RXFP1: variants seen among roughly 807,000 people sequenced by gnomAD.
RXFP1 encodes relaxin family peptide receptor 1, also known as relaxin receptor 1.
A neutral mutation model predicts 89.8 loss-of-function variants in RXFP1; 73 were observed. That is an observed-to-expected ratio of 0.81 (90% CI 0.67 to 0.99). RXFP1 has a LOEUF of 0.99. RXFP1 is among the 50% of genes least tolerant of loss of function. The pLI is 0.00. For synonymous variants in RXFP1, 277 were observed against 305.5 expected (o/e 0.91, Z 0.97); for missense variants, 793 against 895.5 (o/e 0.89, Z 1.46).
chr4:158,641,106 G>A (rs1366180952), intron 14 of RXFP1, among the ~76,000 whole-genome samples: 1 of 152,120 alleles, frequency 6.6e-6, no homozygotes, highest in African/African-American at 2.4e-5. Flanking sequence ...ACAGAACCCT[G>A]TTTTTGTTTT....
At chr4:158,555,549 A>G (rs1751089341) in intron 1 of RXFP1, among the ~76,000 whole-genome samples, 1 of 152,214 alleles carries the variant, frequency 6.6e-6, no homozygotes, top group Non-Finnish European at 1.5e-5. Flanking sequence ...CACAGGTTAC[A>G]GCATTTTTTC....
chr4:158,648,733 A>T lies in RXFP1; in HGVS notation c.1975+16A>T, dbSNP rs1772050048. On this transcript the variant is annotated intron_variant, in intron 17 of 17. Coordinates refer to ENST00000307765, the MANE Select transcript of RXFP1 (RefSeq NM_021634.4). Reference sequence around the variant, plus strand: ...GAAATACCAGGTACAATATTTTTTAATCTCCTTAAAGAAATAATAAATCTG... The same window carrying T: ...GAAATACCAGGTACAATATTTTTTATTCTCCTTAAAGAAATAATAAATCTG... The T allele has an allele frequency of 7.1e-7, 1 of 1,407,748 alleles. No homozygotes were observed. Among genetic ancestry groups the T allele is most frequent in the South Asian group, 1.2e-5 (1 of 81,738 alleles). 87.2% of individuals were successfully genotyped at this position (1,407,748 alleles called of 1,614,324 possible).
intron 1 of RXFP1, among the ~76,000 whole-genome samples, chr4:158,565,328 AG>A (rs1279379790): frequency 6.6e-6 from 1 of 152,234 alleles, no homozygotes; most frequent in East Asian, 1.9e-4. Flanking sequence ...AAATATACAG[AG>A]AAATTAATAC....
At chr4:158,630,363 T>C (rs1434635988) in intron 11 of RXFP1, among the ~76,000 whole-genome samples, 1 of 152,186 alleles carries the variant, frequency 6.6e-6, no homozygotes, top group Non-Finnish European at 1.5e-5. Flanking sequence ...CATAGGAAAG[T>C]AGTCTAAATA....
chr4:158,648,865 CA>C (rs1772078533), intron 17 of RXFP1, 148 bp downstream of exon 17: 8 of 596,712 alleles, frequency 1.3e-5, no homozygotes, highest in Non-Finnish European at 1.7e-5. Flanking sequence ...ATAATCCCAG[CA>C]CTCTGGGAGG....
chr4:158,612,103 TTA>T (rs1259365356), intron 6 of RXFP1, 25 bp from the exon 7 acceptor site: 2 of 1,535,178 alleles, frequency 1.3e-6, no homozygotes, highest in South Asian at 1.2e-5. Context: ...ATATACAAAT[TTA>T]TTGTAGTTAT....
chr4:158,622,018 A>C (rs1462680820), intron 9 of RXFP1, among the ~76,000 whole-genome samples: 1 of 152,228 alleles, frequency 6.6e-6, no homozygotes, highest in South Asian at 2.1e-4. Context: ...TCCTCTAAAA[A>C]TTAAAAATAG....
At position 158,605,348 on chromosome 4, in the gene RXFP1, A is replaced by G. The variant is rs1020404425; in HGVS notation, c.464+209A>G. Among the ~76,000 whole-genome samples, 4 of 152,204 alleles carry G rather than the reference A, an allele frequency of 2.6e-5. No homozygotes were observed. The East Asian group carries it at 5.8e-4, about 22-fold the overall frequency. On this transcript the variant is annotated intron_variant, in intron 5 of 17. Coordinates refer to ENST00000307765, the MANE Select transcript of RXFP1 (RefSeq NM_021634.4). ...ACCATTCTAGAAAAACCTCAGACAC[A>G]TATTTCCAAAGGAACTGGAACATGT...
chr4:158,621,910 AT>A (rs1277015898), intron 9 of RXFP1, among the ~76,000 whole-genome samples: 1 of 152,260 alleles, frequency 6.6e-6, no homozygotes, highest in African/African-American at 2.4e-5. Flanking sequence ...AAGACAAGAG[AT>A]GACGAGTGTT....
At chr4:158,650,527 G>C (rs918616599) in intron 17 of RXFP1, among the ~76,000 whole-genome samples, 1 of 151,636 alleles carries the variant, frequency 6.6e-6, no homozygotes, top group Non-Finnish European at 1.5e-5. Flanking sequence ...CCAGCACTTT[G>C]GGAGGCTGAG....
chr4:158,591,009 G>A (rs1356451953), intron 2 of RXFP1, among the ~76,000 whole-genome samples: 1 of 152,182 alleles, frequency 6.6e-6, no homozygotes, highest in Non-Finnish European at 1.5e-5. Context: ...CTGGGACCCT[G>A]AGGCTGGCTG....
intron 5 of RXFP1, chr4:158,607,049 A>G: frequency 1.3e-6 from 2 of 1,534,576 alleles, no homozygotes; most frequent in Non-Finnish European, 1.7e-6. Flanking sequence ...AACTTTCAGG[A>G]CACTCTAAAG....
intron 1 of RXFP1, among the ~76,000 whole-genome samples, chr4:158,548,623 G>A (rs1218496870): frequency 6.6e-6 from 1 of 152,122 alleles, no homozygotes; most frequent in Non-Finnish European, 1.5e-5. Context: ...GCTTCCTTCA[G>A]GAGCTCTTTT....
At chr4:158,603,225 G>A (rs1011940766) in intron 4 of RXFP1, among the ~76,000 whole-genome samples, 3 of 152,156 alleles carry the variant, frequency 2.0e-5, no homozygotes, top group Non-Finnish European at 4.4e-5. Flanking sequence ...TTATAGGTGT[G>A]ATCCACTGCA....
intron 11 of RXFP1, among the ~76,000 whole-genome samples, chr4:158,630,407 T>G (rs1394444409): frequency 6.6e-6 from 1 of 152,188 alleles, no homozygotes; most frequent in Non-Finnish European, 1.5e-5. Flanking sequence ...ATCCAAAGTA[T>G]TATCTAGACA....
At chr4:158,554,633 T>C (rs914466900) in intron 1 of RXFP1, among the ~76,000 whole-genome samples, 8 of 152,188 alleles carry the variant, frequency 5.3e-5, no homozygotes, top group Non-Finnish European at 8.8e-5. Flanking sequence ...TTTTGTTTTC[T>C]TTTGTGTTTT....
intron 13 of RXFP1, among the ~76,000 whole-genome samples, chr4:158,638,833 G>A (rs1280288001): frequency 1.4e-5 from 2 of 143,800 alleles, no homozygotes; most frequent in Admixed American, 7.0e-5. Flanking sequence ...AAAAAGGTAA[G>A]CTTCAGTTCA....
intron 16 of RXFP1, among the ~76,000 whole-genome samples, chr4:158,647,470 A>G (rs1163353279): frequency 6.6e-6 from 1 of 152,224 alleles, no homozygotes; most frequent in East Asian, 1.9e-4. Flanking sequence ...TTATCTTTTC[A>G]AATTCATGGC....
rs1275856379 is a variant in RXFP1, at chr4:158,645,141, G to A, written c.1345+3G>A. Reference sequence around the variant, plus strand: ...CATGTCAATCATTTCTCTCTGCTGTGAGTATTTCCTGGTTAAAGGAGAATT... The same window carrying A: ...CATGTCAATCATTTCTCTCTGCTGTAAGTATTTCCTGGTTAAAGGAGAATT... On this transcript the variant is annotated splice_donor_region_variant and intron_variant, in intron 15 of 17. Transcript: ENST00000307765. 2 of 1,599,334 alleles carry A rather than the reference G, an allele frequency of 1.3e-6. No individual in the cohort carries two copies. The highest frequency in any genetic ancestry group is 1.7e-5 in the Admixed American group (1 of 59,966).
Sources: allele counts gnomAD v4.1 joint callset (sites outside exome capture counted in the v4.1 genomes callset), GRCh38; gene constraint gnomAD v4.1.1; transcripts MANE v1.5; gene names NCBI Gene and HGNC (gene_info 2026-07-23, HGNC 2026-07-21).